The following FAR2 variants were observed in gnomAD, a reference collection of about 807,000 sequenced individuals.
FAR2 encodes the protein epididymis secretory protein Li 81.
FAR2 carries 19 observed loss-of-function variants against 56.0 expected under a neutral mutation model. The observed-to-expected ratio is 0.34, with a 90% CI of 0.24 to 0.50. The LOEUF (loss-of-function observed/expected upper bound fraction) is 0.50, where lower values mean the gene tolerates loss of function less well. Ranked by LOEUF, FAR2 falls within the 20% of genes least tolerant of loss-of-function variation. FAR2 has a pLI of 0.98. For synonymous variants in FAR2, 219 were observed against 218.8 expected (o/e 1.00, Z -0.01); for missense variants, 508 against 642.2 (o/e 0.79, Z 2.26).
intron 1 of FAR2, among the ~76,000 whole-genome samples, chr12:29,256,549 AG>A (rs1186247212): frequency 2.0e-5 from 3 of 152,150 alleles, no homozygotes; most frequent in Admixed American, 6.5e-5. Context: ...GCGGCACTTG[AG>A]GAGCCCTTCA....
intron 2 of FAR2, among the ~76,000 whole-genome samples, chr12:29,274,392 C>T (rs1286206746): frequency 1.3e-5 from 2 of 151,956 alleles, no homozygotes; most frequent in Non-Finnish European, 1.5e-5. Context: ...TTTATGGCTG[C>T]CTAGTATTCC....
intron 1 of FAR2, among the ~76,000 whole-genome samples, chr12:29,241,918 T>G (rs186845749): frequency 6.6e-6 from 1 of 152,230 alleles, no homozygotes; most frequent in Admixed American, 6.5e-5. Flanking sequence ...AAATCCCCCC[T>G]TTCCTCACTA....
rs532881243 is a variant in FAR2 at position 29,161,653 on chromosome 12, A to G, written c.-39+12246A>G. Among the ~76,000 whole-genome samples, 126 of 152,324 alleles carry G rather than the reference A, an allele frequency of 8.3e-4. 1 individual carries two copies. Among genetic ancestry groups the G allele is most frequent in the African/African-American group, 2.9e-3 (120 of 41,548 alleles). Reference sequence around the variant, plus strand: ...ACATACGTACACATTTCTTTGGGGTATACTTAGGTGTGAAATTGCTTTATG... The same window carrying G: ...ACATACGTACACATTTCTTTGGGGTGTACTTAGGTGTGAAATTGCTTTATG... On this transcript the variant is annotated intron_variant, in intron 1 of 11. Transcript: ENST00000536681.
At chr12:29,215,830 A>G (rs1947615128) in intron 1 of FAR2, among the ~76,000 whole-genome samples, 1 of 152,208 alleles carries the variant, frequency 6.6e-6, no homozygotes, top group Non-Finnish European at 1.5e-5. Context: ...GATATGCACA[A>G]ATTATTTTTA....
chr12:29,281,783 C>T (rs1591924538), intron 2 of FAR2, among the ~76,000 whole-genome samples: 1 of 150,102 alleles, frequency 6.7e-6, no homozygotes, highest in East Asian at 1.9e-4. Flanking sequence ...CTTGTTCATT[C>T]AATAAGTGTT....
chr12:29,186,394 A>G (rs764529291), intron 1 of FAR2, among the ~76,000 whole-genome samples: 13 of 152,236 alleles, frequency 8.5e-5, no homozygotes, highest in Middle Eastern at 3.2e-3. Flanking sequence ...ACTGTGTCAT[A>G]GAGACAGGAG....
intron 1 of FAR2, among the ~76,000 whole-genome samples, chr12:29,201,827 CT>C (rs1947416958): frequency 6.6e-6 from 1 of 152,198 alleles, no homozygotes; most frequent in South Asian, 2.1e-4. Context: ...CACTAGCCAC[CT>C]TTTAAGTGCT....
chr12:29,205,152 C>T (rs1947464793), intron 1 of FAR2, among the ~76,000 whole-genome samples: 1 of 152,142 alleles, frequency 6.6e-6, no homozygotes, highest in Admixed American at 6.5e-5. Flanking sequence ...TACAGTGGAA[C>T]CCACCATATG....
chr12:29,281,251 G>C (rs1948779307), intron 2 of FAR2: 1 of 151,996 alleles, frequency 6.6e-6, no homozygotes, highest in Non-Finnish European at 1.5e-5. Context: ...AACAAACAAA[G>C]ACACCTTCTA....
At chr12:29,296,965 G>A in intron 3 of FAR2, 56 bp from the exon 4 acceptor site, 2 of 1,482,076 alleles carry the variant, frequency 1.3e-6, no homozygotes, top group Non-Finnish European at 1.8e-6. Context: ...TGCAGTTATA[G>A]CAAGGCATGA....
At chr12:29,225,858 G>A (rs1191721224) in intron 1 of FAR2, among the ~76,000 whole-genome samples, 1 of 152,140 alleles carries the variant, frequency 6.6e-6, no homozygotes, top group East Asian at 1.9e-4. Flanking sequence ...ACTATGGTTT[G>A]GAAATAACAC....
At position 29,283,594 on chromosome 12, in the gene FAR2, AAT is replaced by A. The variant is rs532404392; in HGVS notation, c.190-9704_190-9703del. 1.2e-4 allele frequency among the ~76,000 whole-genome samples: 18 copies of A among 144,576 alleles called. No homozygotes were observed. In the East Asian group the frequency reaches 3.1e-3, roughly 25 times the overall value. The allele number at this position is 144,576 out of a possible 152,430, so 94.8% of individuals were successfully genotyped here. A position where few individuals can be genotyped will look rare whatever the true frequency, so the allele number is the denominator to read the frequency against. ...GTTTTGAAACTGTTTATCAAAATTA[AAT>A]AGTTTGACTTATTTTTATTAGAAAT... On this transcript the variant is annotated intron_variant, in intron 2 of 11. Transcript: ENST00000536681.
chr12:29,272,567 G>T (rs1300017662), intron 2 of FAR2, among the ~76,000 whole-genome samples: 2 of 152,094 alleles, frequency 1.3e-5, no homozygotes, highest in Non-Finnish European at 2.9e-5. Context: ...CTTTGCTTTA[G>T]GTTAGAACAT....
intron 1 of FAR2, among the ~76,000 whole-genome samples, chr12:29,157,431 A>T (rs2136574300): frequency 6.6e-6 from 1 of 152,184 alleles, no homozygotes; most frequent in Admixed American, 6.5e-5. Flanking sequence ...AGACAGCCCC[A>T]AAACATTGAA....
chr12:29,199,059 A>G (rs1947370767), intron 1 of FAR2, among the ~76,000 whole-genome samples: 1 of 152,204 alleles, frequency 6.6e-6, no homozygotes, highest in African/African-American at 2.4e-5. Context: ...AAGGTAAAGG[A>G]CATCAGCTCA....
chr12:29,328,839 ATATG>A (rs1305307473), intron 10 of FAR2, among the ~76,000 whole-genome samples: 1 of 151,962 alleles, frequency 6.6e-6, no homozygotes, highest in Admixed American at 6.6e-5. Flanking sequence ...ACATGTATAC[ATATG>A]TAACAAGCCT....
At chr12:29,235,658 A>G (rs1234564376) in intron 1 of FAR2, among the ~76,000 whole-genome samples, 12 of 152,192 alleles carry the variant, frequency 7.9e-5, no homozygotes, top group Admixed American at 7.2e-4. Flanking sequence ...TATCTTTTTT[A>G]GAGTGTGCCC....
At chr12:29,209,585 G>T (rs1947518835) in intron 1 of FAR2, among the ~76,000 whole-genome samples, 1 of 152,078 alleles carries the variant, frequency 6.6e-6, no homozygotes, top group South Asian at 2.1e-4. Flanking sequence ...CTGGAAGATG[G>T]GTTTGCTAGG....
chr12:29,187,247 G>A (rs1950053238), intron 1 of FAR2, among the ~76,000 whole-genome samples: 1 of 151,694 alleles, frequency 6.6e-6, no homozygotes, highest in African/African-American at 2.4e-5. Context: ...GCTCCTTCTG[G>A]CATTCTTTCT....
Sources: allele counts gnomAD v4.1 joint callset (sites outside exome capture counted in the v4.1 genomes callset), GRCh38; gene constraint gnomAD v4.1.1; transcripts MANE v1.5; gene names NCBI Gene and HGNC (gene_info 2026-07-23, HGNC 2026-07-21).